MAGI2: variants seen among roughly 807,000 people sequenced by gnomAD.
MAGI2 encodes the protein membrane-associated guanylate kinase, WW and PDZ domain-containing protein 2.
In MAGI2, 35 loss-of-function variants were observed where a neutral mutation model predicts 133.3. That is an observed-to-expected ratio of 0.26 (90% confidence interval 0.20 to 0.35). MAGI2 has a LOEUF of 0.35. MAGI2 is among the 10% of genes least tolerant of loss of function. The pLI is 1.00. For missense variants in MAGI2, 1,636 were observed against 1,863.4 expected (o/e 0.88, Z 2.25); for synonymous variants, 729 against 710.6 (o/e 1.03, Z -0.41).
At chr7:79,246,843 C>A (rs1453658456) in intron 1 of MAGI2, among the ~76,000 whole-genome samples, 2 of 152,036 alleles carry the variant, frequency 1.3e-5, no homozygotes, top group Admixed American at 1.3e-4. Context: ...AAGACTACCT[C>A]AAAACATTCA....
intron 2 of MAGI2, among the ~76,000 whole-genome samples, chr7:78,926,897 T>C (rs1642884): frequency 0.34 from 51,369 of 151,366 alleles, 9,095 homozygotes; most frequent in South Asian, 0.42. Context: ...GGTAAACTTG[T>C]CACTGAGGGG....
chr7:79,330,180 CTTTTTTTTTTT>C (rs544172383), intron 1 of MAGI2, among the ~76,000 whole-genome samples: 8 of 59,126 alleles, frequency 1.4e-4, no homozygotes, highest in African/African-American at 4.9e-4. Context: ...CAATCTGCAT[CTTTTTTTTTTT>C]TTTTTTTTTT....
intron 1 of MAGI2, among the ~76,000 whole-genome samples, chr7:79,206,646 A>T (rs1478151618): frequency 6.6e-6 from 1 of 151,992 alleles, no homozygotes; most frequent in East Asian, 1.9e-4. Context: ...ACATTTAAAG[A>T]ATTAATCCCA....
At position 78,775,508 on chromosome 7, in the gene MAGI2, A is replaced by T. The variant is rs11977371; in HGVS notation, c.419-148269T>A. Among the ~76,000 whole-genome samples, 1,201 of 152,010 alleles carry T rather than the reference A, an allele frequency of 7.9e-3. 5 individuals are homozygous for T. The highest frequency in any genetic ancestry group is 0.027 in the African/African-American group (1,134 of 41,458). On this transcript the variant is annotated intron_variant, in intron 2 of 21. Coordinates refer to ENST00000354212, the MANE Select transcript of MAGI2 (RefSeq NM_012301.4). ...TTGCTGACACCAGGGACTTTTTCAC[A>T]TCTGTGCCTTTGATTCCCCTTCCTG...
chr7:79,045,365 T>C (rs1812076648), intron 1 of MAGI2, among the ~76,000 whole-genome samples: 1 of 152,250 alleles, frequency 6.6e-6, no homozygotes, highest in Non-Finnish European at 1.5e-5. Context: ...TTATTATTTG[T>C]AAATTATAGC....
chr7:78,887,782 G>A (rs1326518260), intron 2 of MAGI2, among the ~76,000 whole-genome samples: 1 of 152,242 alleles, frequency 6.6e-6, no homozygotes, highest in African/African-American at 2.4e-5. Context: ...AACAGCACCA[G>A]TCTACAGCTC....
At position 78,978,219 on chromosome 7, in the gene MAGI2, G is replaced by A. The variant is rs147736261; in HGVS notation, c.418+28871C>T. ...TATGTTAACACAAAAATTTGCATAC[G>A]ATTGTTTATGGCAGCCCTATCACAA... On this transcript the variant is annotated intron_variant, in intron 2 of 21. Coordinates refer to ENST00000354212, the MANE Select transcript of MAGI2 (RefSeq NM_012301.4). Among the ~76,000 whole-genome samples, 20 of 151,858 alleles carry A rather than the reference G, an allele frequency of 1.3e-4. No individual in the cohort carries two copies. The East Asian group carries it at 3.7e-3, about 28-fold the overall frequency.
intron 21 of MAGI2, among the ~76,000 whole-genome samples, chr7:78,063,053 G>A (rs1205802816): frequency 5.3e-5 from 8 of 151,904 alleles, no homozygotes; most frequent in Non-Finnish European, 1.0e-4. Context: ...CAGCCCTCAC[G>A]TCATTTGCTT....
chr7:78,251,186 T>C (rs756514070), intron 10 of MAGI2, among the ~76,000 whole-genome samples: 5 of 152,154 alleles, frequency 3.3e-5, no homozygotes, highest in African/African-American at 7.2e-5. Context: ...CCAAGACCTA[T>C]TGATTATTTA....
intron 6 of MAGI2, among the ~76,000 whole-genome samples, chr7:78,403,399 T>C (rs1226279796): frequency 6.6e-6 from 1 of 152,228 alleles, no homozygotes; most frequent in Non-Finnish European, 1.5e-5. Context: ...TAGTCTATCA[T>C]TGTTGGACAT....
chr7:78,350,378 C>T (rs746971653), intron 7 of MAGI2: 1 of 152,202 alleles, frequency 6.6e-6, no homozygotes, highest in Non-Finnish European at 1.5e-5. Flanking sequence ...CCTAAATCAA[C>T]TGATTCATAA....
intron 3 of MAGI2, among the ~76,000 whole-genome samples, chr7:78,574,618 A>T (rs905619658): frequency 6.6e-6 from 1 of 152,224 alleles, no homozygotes; most frequent in African/African-American, 2.4e-5. Context: ...TTGATGCTGG[A>T]TAAGTATTAG....
chr7:78,286,005 T>A (rs1410372896), intron 9 of MAGI2, among the ~76,000 whole-genome samples: 1 of 152,184 alleles, frequency 6.6e-6, no homozygotes, highest in Non-Finnish European at 1.5e-5. Flanking sequence ...TATCATGCTC[T>A]AGAAATGAAT....
At chr7:78,157,880 A>G (rs1824554215) in intron 16 of MAGI2, among the ~76,000 whole-genome samples, 1 of 152,224 alleles carries the variant, frequency 6.6e-6, no homozygotes, top group South Asian at 2.1e-4. Flanking sequence ...CATGAAGAAA[A>G]AGGGAAATGA....
Position 79,015,910 on chromosome 7 carries a change from G to A in MAGI2, c.302-8704C>T, listed in dbSNP as rs181475121. ...GAAGATCCATTGAAAATGGAGAGAG[G>A]GAAGACACAGATACTGGGTCAAAGG... On this transcript the variant is annotated intron_variant, in intron 1 of 21. Coordinates refer to ENST00000354212, the MANE Select transcript of MAGI2 (RefSeq NM_012301.4). Among the ~76,000 whole-genome samples the A allele has an allele frequency of 4.1e-4, 62 of 150,232 alleles. 2 individuals are homozygous for A. In the East Asian group the frequency reaches 0.011, roughly 28 times the overall value.
intron 9 of MAGI2, among the ~76,000 whole-genome samples, chr7:78,326,902 T>C (rs1315452202): frequency 6.6e-6 from 1 of 152,118 alleles, no homozygotes; most frequent in Non-Finnish European, 1.5e-5. Context: ...GTTCTTCCAG[T>C]GTGTTAGGGG....
At position 78,687,969 on chromosome 7, in the gene MAGI2, T is replaced by TAAAAAAAAA. The variant is rs72030909; in HGVS notation, c.419-60739_419-60731dup. ...TGGGCAAGAGAGTGAGTCCTTGCCT[T>TAAAAAAAAA]AAAAAAAAAAAAAAAAAAAAAAAAA... On this transcript the variant is annotated intron_variant, in intron 2 of 21. Coordinates refer to ENST00000354212, the MANE Select transcript of MAGI2 (RefSeq NM_012301.4). Among the ~76,000 whole-genome samples, 144 of 67,232 alleles carry TAAAAAAAAA rather than the reference T, an allele frequency of 2.1e-3. 1 individual carries two copies. Among genetic ancestry groups the TAAAAAAAAA allele is most frequent in the Non-Finnish European group, 2.3e-3 (82 of 36,050 alleles). 44.1% of individuals were successfully genotyped at this position (67,232 alleles called of 152,430 possible).
intron 1 of MAGI2, among the ~76,000 whole-genome samples, chr7:79,123,376 C>T (rs189356524): frequency 7.8e-4 from 118 of 152,152 alleles, no homozygotes; most frequent in Non-Finnish European, 1.4e-3. Flanking sequence ...ATTTTGGCTC[C>T]GTCATTTACC....
chr7:79,305,323 A>G (rs6943406), intron 1 of MAGI2, among the ~76,000 whole-genome samples: 33,344 of 152,012 alleles, frequency 0.22, 4,819 homozygotes, highest in African/African-American at 0.39. Flanking sequence ...CTTCATTGGA[A>G]GCTTTGATTT....
Sources: allele counts gnomAD v4.1 joint callset (sites outside exome capture counted in the v4.1 genomes callset), GRCh38; gene constraint gnomAD v4.1.1; transcripts MANE v1.5; gene names NCBI Gene and HGNC (gene_info 2026-07-23, HGNC 2026-07-21).